Variants in LZTFL1 observed in about 807,000 individuals in gnomAD.
LZTFL1 encodes leucine zipper transcription factor-like protein 1.
A neutral mutation model predicts 45.9 loss-of-function variants in LZTFL1; 25 were observed. The observed-to-expected ratio is 0.54, with a 90% CI of 0.40 to 0.76. LZTFL1 has a LOEUF of 0.76. Ranked by LOEUF, LZTFL1 falls within the 30% of genes least tolerant of loss-of-function variation. The pLI, the probability that LZTFL1 is intolerant of heterozygous loss-of-function variation, is 0.00. For missense variants in LZTFL1, 277 were observed against 331.1 expected (o/e 0.84, Z 1.27); for synonymous variants, 93 against 117.4 (o/e 0.79, Z 1.35).
intron 2 of LZTFL1, among the ~76,000 whole-genome samples, chr3:45,870,751 A>C (rs985234002): frequency 6.6e-6 from 1 of 152,232 alleles, no homozygotes; most frequent in Non-Finnish European, 1.5e-5. Context: ...TCTCATAGTA[A>C]AGCACTCGTT....
intron 2 of LZTFL1, among the ~76,000 whole-genome samples, chr3:45,865,431 C>G (rs997097051): frequency 6.6e-6 from 1 of 152,166 alleles, no homozygotes; most frequent in African/African-American, 2.4e-5. Context: ...CAAAATCTCA[C>G]TTACACGCAC....
At chr3:45,871,241 C>T (rs1358616009) in intron 2 of LZTFL1, among the ~76,000 whole-genome samples, 3 of 152,196 alleles carry the variant, frequency 2.0e-5, no homozygotes, top group African/African-American at 7.2e-5. Flanking sequence ...TGCTTTGATA[C>T]AAGGAATGCA....
intron 2 of LZTFL1, among the ~76,000 whole-genome samples, chr3:45,879,190 C>T (rs1227762246): frequency 6.6e-6 from 1 of 152,158 alleles, no homozygotes; most frequent in Non-Finnish European, 1.5e-5. Flanking sequence ...CTTATGGCCA[C>T]ACAAAGATCT....
intron 2 of LZTFL1, among the ~76,000 whole-genome samples, chr3:45,891,143 G>T (rs191559443): frequency 9.2e-5 from 14 of 152,290 alleles, no homozygotes; most frequent in African/African-American, 3.1e-4. Flanking sequence ...GTGTTTTCCT[G>T]GCCCCCAGAG....
At chr3:45,879,834 T>A (rs1701819981) in intron 2 of LZTFL1, among the ~76,000 whole-genome samples, 2 of 152,130 alleles carry the variant, frequency 1.3e-5, no homozygotes, top group Non-Finnish European at 2.9e-5. Context: ...AAAGCCTATT[T>A]AAAAAACCCA....
At chr3:45,915,034 C>G (rs536381290) in intron 1 of LZTFL1, among the ~76,000 whole-genome samples, 73 of 152,232 alleles carry the variant, frequency 4.8e-4, no homozygotes, top group African/African-American at 1.7e-3. Context: ...CTTGCAGGGC[C>G]CTGAAGCCAC....
chr3:45,908,322 A>C (rs1325707809), intron 2 of LZTFL1, among the ~76,000 whole-genome samples: 1 of 152,224 alleles, frequency 6.6e-6, no homozygotes, highest in Non-Finnish European at 1.5e-5. Flanking sequence ...AGAGGCCACA[A>C]GTAGGCCCAG....
rs78703125 is a variant in LZTFL1, at chr3:45,865,582, C to G, written c.-214-6566G>C. On this transcript the variant is annotated intron_variant, in intron 2 of 4. Transcript: ENST00000472635. ...GGGATGGAATAAAAGGGAACGTTCA[C>G]TTTTCTTACTCTATATTTCTGAAGT... 1.0e-3 allele frequency among the ~76,000 whole-genome samples: 158 copies of G among 152,332 alleles called. 1 individual carries two copies. In the East Asian group the frequency reaches 0.023, roughly 22 times the overall value.
chr3:45,852,820 C>T (rs1477281269), intron 4 of LZTFL1, among the ~76,000 whole-genome samples: 1 of 152,090 alleles, frequency 6.6e-6, no homozygotes, highest in African/African-American at 2.4e-5. Context: ...TCACTTTTTC[C>T]ATTGTTTTAT....
intron 4 of LZTFL1, among the ~76,000 whole-genome samples, chr3:45,850,144 G>A (rs1295481607): frequency 6.6e-6 from 1 of 152,182 alleles, no homozygotes; most frequent in Non-Finnish European, 1.5e-5. Context: ...TCTACAATGT[G>A]AGTAATTATA....
intron 2 of LZTFL1, among the ~76,000 whole-genome samples, chr3:45,865,464 C>T (rs1701563685): frequency 6.6e-6 from 1 of 152,256 alleles, no homozygotes; most frequent in Admixed American, 6.5e-5. Flanking sequence ...CATGCAAACA[C>T]GTGCACATGC....
At chr3:45,873,314 G>A (rs1201073795) in intron 2 of LZTFL1, among the ~76,000 whole-genome samples, 1 of 152,156 alleles carries the variant, frequency 6.6e-6, no homozygotes, top group Non-Finnish European at 1.5e-5. Flanking sequence ...TGTACTGGGA[G>A]GTTTTAAATA....
At chr3:45,864,905 C>T (rs1701553079) in intron 2 of LZTFL1, among the ~76,000 whole-genome samples, 1 of 152,128 alleles carries the variant, frequency 6.6e-6, no homozygotes, top group South Asian at 2.1e-4. Flanking sequence ...GAGTTGAAGC[C>T]CTTTTGCCCT....
At chr3:45,853,988 T>C (rs1701347144) in intron 4 of LZTFL1, among the ~76,000 whole-genome samples, 1 of 152,158 alleles carries the variant, frequency 6.6e-6, no homozygotes, top group Non-Finnish European at 1.5e-5. Flanking sequence ...TCAAAAGCCA[T>C]CAAATGAGCT....
chr3:45,828,396 A>T, intron 8 of LZTFL1, 43 bp downstream of exon 8: 1 of 1,552,122 alleles, frequency 6.4e-7, no homozygotes, highest in African/African-American at 1.4e-5. Flanking sequence ...GTGTGCATTA[A>T]TCATGCATTA....
chr3:45,885,482 T>C (rs1030037258), intron 2 of LZTFL1, among the ~76,000 whole-genome samples: 26 of 152,228 alleles, frequency 1.7e-4, no homozygotes, highest in Admixed American at 1.2e-3. Context: ...TTAATGTATC[T>C]GATGTGCAAA....
At chr3:45,908,275 T>C (rs1381562170) in intron 2 of LZTFL1, among the ~76,000 whole-genome samples, 1 of 152,168 alleles carries the variant, frequency 6.6e-6, no homozygotes, top group East Asian at 1.9e-4. Context: ...TAAGCTGCCG[T>C]GTCAGAAGGC....
intron 2 of LZTFL1, among the ~76,000 whole-genome samples, chr3:45,889,984 T>C (rs115479510): frequency 6.6e-6 from 1 of 151,522 alleles, no homozygotes; most frequent in Non-Finnish European, 1.5e-5. Flanking sequence ...TTGTGCTTTG[T>C]AAATTTTGAC....
intron 7 of LZTFL1, 75 bp downstream of exon 7, chr3:45,830,838 A>C: frequency 7.6e-7 from 1 of 1,313,706 alleles, no homozygotes; most frequent in Non-Finnish European, 1.1e-6. Context: ...GTGAGCAGTA[A>C]CTAAGACTTA....
Sources: gnomAD v4.1 joint callset for allele counts (sites outside exome capture counted in the v4.1 genomes callset) on GRCh38, gnomAD v4.1.1 for gene constraint, MANE v1.5 for transcripts, NCBI Gene and HGNC (gene_info 2026-07-23, HGNC 2026-07-21) for gene names.